GPD1: variants seen among roughly 807,000 people sequenced by gnomAD.
GPD1 encodes the protein glycerol-3-phosphate dehydrogenase 1.
A neutral mutation model predicts 34.4 loss-of-function variants in GPD1; 19 were observed. The observed-to-expected ratio is 0.55, with a 90% CI of 0.39 to 0.81. GPD1 has a LOEUF of 0.81. Ranked by LOEUF, GPD1 falls within the 30% of genes least tolerant of loss-of-function variation. The pLI, the probability that GPD1 is intolerant of heterozygous loss-of-function variation, is 0.00. For synonymous variants in GPD1, 172 were observed against 174.1 expected (o/e 0.99, Z 0.09); for missense variants, 429 against 447.0 (o/e 0.96, Z 0.36).
At position 50,104,027 on chromosome 12, in the gene GPD1, C is replaced by G. The variant is rs140876219; in HGVS notation, c.-24C>G. ...GGAGCTAGGGAGTGTGGCACTGAGC[C>G]GGCTCAGGCAGAGACGCGGCACCAT... On this transcript the variant is annotated 5_prime_UTR_variant, in exon 1 of 8. Transcript: ENST00000301149. The G allele has an allele frequency of 1.2e-6, 2 of 1,613,758 alleles. No individual in the cohort carries two copies. Among genetic ancestry groups the G allele is most frequent in the Non-Finnish European group, 1.7e-6 (2 of 1,179,744 alleles).
In GPD1 at chr12:50,106,903, T is replaced by C; in HGVS notation, c.598T>C (p.Cys200Arg). 1 of 1,605,548 alleles carries C rather than the reference T, an allele frequency of 6.2e-7. No homozygotes were observed. The highest frequency in any genetic ancestry group is 8.5e-7 in the Non-Finnish European group (1 of 1,172,158). ...GCAAGAGGTGGACACAGTAGAGATC[T>C]GTGGAGCCTTAAAGGTGAGAGGGGC... ...VVQEVDTVEI[C>R]GALKNVVAVG... The change falls in exon 5 of 8, where the codon TGT becomes CGT. Residue 200 changes from cysteine to arginine, a missense_variant. Transcript: ENST00000301149.
chr12:50,106,386 C>T lies in GPD1; in HGVS notation c.459C>T (p.Ala153=). The T allele has an allele frequency of 6.2e-7, 1 of 1,613,812 alleles. No individual in the cohort carries two copies. Among genetic ancestry groups the T allele is most frequent in the Non-Finnish European group, 8.5e-7 (1 of 1,179,906 alleles). The change falls in exon 4 of 8, where the codon GCC becomes GCT. Residue 153 remains alanine (A), a synonymous_variant. Transcript: ENST00000301149. ...PMSVLMGANI[A]SEVADEKFCE... Reference sequence around the variant, plus strand: ...GTGTGCTGATGGGGGCCAACATTGCCAGCGAGGTGGCTGATGAGAAGTTCT... The same window carrying T: ...GTGTGCTGATGGGGGCCAACATTGCTAGCGAGGTGGCTGATGAGAAGTTCT...
chr12:50,109,783 G>A lies in GPD1; in HGVS notation c.*264G>A. The A allele has an allele frequency of 2.2e-6, 1 of 446,910 alleles. No individual in the cohort carries two copies. Among genetic ancestry groups the A allele is most frequent in the East Asian group, 3.9e-5 (1 of 25,710 alleles). 27.7% of individuals were successfully genotyped at this position (446,910 alleles called of 1,614,324 possible). A position where few individuals can be genotyped will look rare whatever the true frequency, so the allele number is the denominator to read the frequency against. On this transcript the variant is annotated 3_prime_UTR_variant, in exon 8 of 8. Coordinates refer to ENST00000301149, the MANE Select transcript of GPD1 (RefSeq NM_005276.4). ...ATGTGGGGCTTTCTCCATATCCTCT[G>A]GGAGGGGTGGAATCAAGCCCCAGTG...
Position 50,104,101 on chromosome 12 carries a change from T to A in GPD1, c.41+10T>A. ...TAGGCTCCGGGAACTGGTAAGCAGCTCTGTCAAGTGATATGGGGGAAGGGT... is the reference window on the plus strand; with the variant it reads ...TAGGCTCCGGGAACTGGTAAGCAGCACTGTCAAGTGATATGGGGGAAGGGT... On this transcript the variant is annotated intron_variant, in intron 1 of 7. Transcript: ENST00000301149. The A allele has an allele frequency of 1.2e-6, 2 of 1,613,564 alleles. No homozygotes were observed. Among genetic ancestry groups the A allele is most frequent in the Non-Finnish European group, 1.7e-6 (2 of 1,179,536 alleles).
intron 7 of GPD1, among the ~76,000 whole-genome samples, chr12:50,108,479 G>A (rs1950999224): frequency 6.6e-6 from 1 of 152,116 alleles, no homozygotes; most frequent in Admixed American, 6.5e-5. Context: ...TCTTCCCCAA[G>A]GCCAACCCAT....
intron 5 of GPD1, 193 bp from the exon 6 acceptor site, chr12:50,107,374 G>A (rs754942596): frequency 1.4e-6 from 1 of 704,080 alleles, no homozygotes; most frequent in Non-Finnish European, 2.6e-6. Context: ...CGAGGAGGGA[G>A]TATGGGGCAG....
chr12:50,108,246 T>A (rs1308346184), intron 7 of GPD1, 116 bp downstream of exon 7: 1 of 683,096 alleles, frequency 1.5e-6, no homozygotes, highest in Admixed American at 2.2e-5. Flanking sequence ...AGGGGAGTAT[T>A]ACCTTACATT....
Position 50,104,071 on chromosome 12 carries a change from C to T in GPD1, c.21C>T (p.Cys7=). The T allele has an allele frequency of 6.2e-7, 1 of 1,614,062 alleles. No homozygotes were observed. Among genetic ancestry groups the T allele is most frequent in the Non-Finnish European group, 8.5e-7 (1 of 1,179,970 alleles). ...GCACCATGGCTAGCAAGAAAGTCTG[C>T]ATTGTAGGCTCCGGGAACTGGTAAG... MASKKV[C]IVGSGNWGSA... The change falls in exon 1 of 8, where the codon TGC becomes TGT. Residue 7 remains cysteine, a synonymous_variant. Transcript: ENST00000301149.
chr12:50,107,743 T>C lies in GPD1; in HGVS notation c.789T>C (p.Thr263=). ...LESCGVADLI[T]TCYGGRNRKV... ...GCTGTGGTGTTGCTGACCTGATCAC[T>C]ACCTGCTATGGAGGGCGGAACCGGA... Residue 263 remains threonine (T), a synonymous_variant, in exon 6 of 8, where the codon ACT becomes ACC. Coordinates refer to ENST00000301149, the MANE Select transcript of GPD1 (RefSeq NM_005276.4). 2.5e-6 allele frequency: 4 copies of C among 1,614,124 alleles called. No homozygotes were observed. Among genetic ancestry groups the C allele is most frequent in the East Asian group, 2.2e-5 (1 of 44,882 alleles).
chr12:50,108,248 C>A, intron 7 of GPD1, 118 bp downstream of exon 7: 1 of 679,012 alleles, frequency 1.5e-6, no homozygotes, highest in Non-Finnish European at 2.7e-6. Flanking sequence ...GGGAGTATTA[C>A]CTTACATTTC....
chr12:50,105,371 G>T, intron 2 of GPD1, 177 bp from the exon 3 acceptor site: 1 of 624,756 alleles, frequency 1.6e-6, no homozygotes, highest in East Asian at 2.8e-5. Flanking sequence ...AGTGGTAGCT[G>T]GGGGGAGGGA....
rs773220625 is a variant in GPD1 at position 50,104,684 on chromosome 12, C to T, written c.152C>T (p.Thr51Ile). 4.3e-6 allele frequency: 7 copies of T among 1,614,092 alleles called. No homozygotes were observed. Among genetic ancestry groups the T allele is most frequent in the Non-Finnish European group, 5.9e-6 (7 of 1,179,908 alleles). ...FEEDIGGKKL[T>I]EIINTQHENV... ...GAAGACATTGGAGGCAAAAAGCTGA[C>T]TGAGATCATCAACACGCAGCATGAG... Residue 51 changes from threonine to isoleucine, a missense_variant, in exon 2 of 8, where the codon ACT becomes ATT. Coordinates refer to ENST00000301149, the MANE Select transcript of GPD1 (RefSeq NM_005276.4).
At chr12:50,107,247 C>A in intron 5 of GPD1, 2 of 649,746 alleles carry the variant, frequency 3.1e-6, no homozygotes, top group Non-Finnish European at 5.7e-6. Flanking sequence ...GACACCCAGA[C>A]AGACTAATGG....
At position 50,111,290 on chromosome 12, in the gene GPD1, A is replaced by G. The variant is rs1001021106; in HGVS notation, c.*1771A>G. On this transcript the variant is annotated 3_prime_UTR_variant, in exon 8 of 8. Coordinates refer to ENST00000301149, the MANE Select transcript of GPD1 (RefSeq NM_005276.4). The surrounding 1 kb of genome is among the most constrained non-coding windows in gnomAD (Gnocchi z 4.1). The stretch of plus-strand genomic sequence containing the variant: ...TCCCATCAGGCCTATTTGTCTACCC[A>G]ATAAAGCGTGTTTTTTCCAGAAACA... 2.6e-5 allele frequency: 4 copies of G among 152,226 alleles called. No individual in the cohort carries two copies. The highest frequency in any genetic ancestry group is 5.9e-5 in the Non-Finnish European group (4 of 68,060). 9.4% of individuals were successfully genotyped at this position (152,226 alleles called of 1,614,324 possible). A position where few individuals can be genotyped will look rare whatever the true frequency, so the allele number is the denominator to read the frequency against.
chr12:50,106,407 GT>G lies in GPD1; in HGVS notation c.482del (p.Phe161SerfsTer17). On this transcript the variant is annotated frameshift_variant, in exon 4 of 8. Coordinates refer to ENST00000301149, the MANE Select transcript of GPD1 (RefSeq NM_005276.4). LOFTEE classifies it high-confidence loss of function. The stretch of plus-strand genomic sequence containing the variant: ...TTGCCAGCGAGGTGGCTGATGAGAA[GT>G]TCTGTGAGACAACCATTGGTGAGAG... ...NIASEVADEK[F>X]CETTIGCKDP... 2 of 1,613,960 alleles carry G rather than the reference GT, an allele frequency of 1.2e-6. No individual in the cohort carries two copies. Among genetic ancestry groups the G allele is most frequent in the Non-Finnish European group, 1.7e-6 (2 of 1,179,946 alleles).
chr12:50,106,404 G>C lies in GPD1; in HGVS notation c.477G>C (p.Glu159Asp), dbSNP rs1950978986. The change falls in exon 4 of 8, where the codon GAG becomes GAC. Residue 159 changes from glutamate (E) to aspartate (D), a missense_variant. Transcript: ENST00000301149. The stretch of plus-strand genomic sequence containing the variant: ...ACATTGCCAGCGAGGTGGCTGATGA[G>C]AAGTTCTGTGAGACAACCATTGGTG... ...GANIASEVAD[E>D]KFCETTIGCK... 6.2e-7 allele frequency: 1 copy of C among 1,613,858 alleles called. No homozygotes were observed. Among genetic ancestry groups the C allele is most frequent in the South Asian group, 1.1e-5 (1 of 91,078 alleles).
At chr12:50,104,424 G>C in intron 1 of GPD1, 150 bp from the exon 2 acceptor site, 1 of 731,188 alleles carries the variant, frequency 1.4e-6, no homozygotes, top group Non-Finnish European at 2.5e-6. Context: ...GGTCACTGGG[G>C]ACTATTTGTC....
Position 50,110,665 on chromosome 12 carries a change from T to G in GPD1, c.*1146T>G, listed in dbSNP as rs2137928445. ...TTCCTATGTTGGTGGGCACCAATAT[T>G]CCAAGGGCAGCTCTCTTTGCTGAAT... On this transcript the variant is annotated 3_prime_UTR_variant, in exon 8 of 8. Coordinates refer to ENST00000301149, the MANE Select transcript of GPD1 (RefSeq NM_005276.4). The G allele has an allele frequency of 6.5e-6, 1 of 152,696 alleles. No homozygotes were observed. Among genetic ancestry groups the G allele is most frequent in the Middle Eastern group, 3.4e-3 (1 of 294 alleles). The allele number at this position is 152,696 out of a possible 1,614,324, so 9.5% of individuals were successfully genotyped here.
intron 1 of GPD1, 54 bp from the exon 2 acceptor site, chr12:50,104,520 A>G (rs887996881): frequency 2.2e-5 from 31 of 1,409,030 alleles, no homozygotes; most frequent in Non-Finnish European, 3.0e-5. Context: ...CGCTGCCCCA[A>G]CTCCTGCCAC....
Sources: allele counts gnomAD v4.1 joint callset (sites outside exome capture counted in the v4.1 genomes callset), GRCh38; gene constraint gnomAD v4.1.1; non-coding constraint Gnocchi (gnomAD v3.1); transcripts MANE v1.5; gene names NCBI Gene and HGNC (gene_info 2026-07-23, HGNC 2026-07-21).